CTNNA2: variants seen among roughly 807,000 people sequenced by gnomAD.
CTNNA2 encodes the protein catenin alpha 2.
In CTNNA2, 42 loss-of-function variants were observed where a neutral mutation model predicts 101.0. That is an observed-to-expected ratio of 0.42 (90% CI 0.32 to 0.54). The LOEUF is 0.54. CTNNA2 is among the 20% of genes least tolerant of loss of function. CTNNA2 has a pLI of 0.14. For missense variants in CTNNA2, 871 were observed against 1,223.1 expected (o/e 0.71, Z 4.29); for synonymous variants, 450 against 456.4 (o/e 0.99, Z 0.18).
chr2:80,001,570 G>C (rs1465492427), intron 7 of CTNNA2, among the ~76,000 whole-genome samples: 2 of 152,184 alleles, frequency 1.3e-5, no homozygotes, highest in African/African-American at 2.4e-5. Context: ...CTGGGGATTA[G>C]TCTAATAATT....
chr2:79,470,675 G>C (rs1670988282), intron 4 of CTNNA2, among the ~76,000 whole-genome samples: 1 of 152,162 alleles, frequency 6.6e-6, no homozygotes, highest in Non-Finnish European at 1.5e-5. Context: ...CAGAATCATA[G>C]ATGAATCACT....
At chr2:80,476,174 C>G (rs1166501171) in intron 9 of CTNNA2, among the ~76,000 whole-genome samples, 1 of 152,106 alleles carries the variant, frequency 6.6e-6, no homozygotes, top group Non-Finnish European at 1.5e-5. Flanking sequence ...CAGATGATGT[C>G]TGATTCACCC....
intron 3 of CTNNA2, among the ~76,000 whole-genome samples, chr2:79,797,294 C>A (rs1022171825): frequency 1.3e-5 from 2 of 152,026 alleles, no homozygotes. Flanking sequence ...CATGCAGGCC[C>A]AGGTGGTCAT....
chr2:79,995,989 C>G (rs1205522108), intron 7 of CTNNA2, among the ~76,000 whole-genome samples: 2 of 152,086 alleles, frequency 1.3e-5, no homozygotes, highest in Non-Finnish European at 2.9e-5. Flanking sequence ...GGAAACAATT[C>G]AAGATTTCTC....
chr2:80,112,498 C>A (rs1377102194), intron 7 of CTNNA2, among the ~76,000 whole-genome samples: 2 of 152,122 alleles, frequency 1.3e-5, no homozygotes, highest in Non-Finnish European at 2.9e-5. Flanking sequence ...TCCATCATCA[C>A]CATTATTATC....
chr2:79,808,946 C>T (rs1676792688), intron 3 of CTNNA2, among the ~76,000 whole-genome samples: 1 of 152,130 alleles, frequency 6.6e-6, no homozygotes, highest in Non-Finnish European at 1.5e-5. Context: ...TCTGGTCCCC[C>T]ATCCCCCAAC....
intron 7 of CTNNA2, among the ~76,000 whole-genome samples, chr2:80,363,455 G>A (rs919425689): frequency 6.6e-6 from 1 of 152,072 alleles, no homozygotes; most frequent in Non-Finnish European, 1.5e-5. Flanking sequence ...AAATAAAGCC[G>A]GGCTCAGTAA....
intron 7 of CTNNA2, among the ~76,000 whole-genome samples, chr2:79,988,660 A>G (rs1187585200): frequency 6.6e-6 from 1 of 152,160 alleles, no homozygotes; most frequent in Non-Finnish European, 1.5e-5. Flanking sequence ...GAAGAAAGTA[A>G]CTTCCCACAG....
intron 9 of CTNNA2, among the ~76,000 whole-genome samples, chr2:80,518,814 T>C (rs143504480): frequency 6.6e-6 from 1 of 152,318 alleles, no homozygotes; most frequent in African/African-American, 2.4e-5. Context: ...TAAAAAACTC[T>C]ATAGCCCATT....
chr2:80,046,405 A>C (rs1284114437), intron 7 of CTNNA2, among the ~76,000 whole-genome samples: 1 of 152,172 alleles, frequency 6.6e-6, no homozygotes, highest in East Asian at 1.9e-4. Context: ...GGCTCTCAGT[A>C]GATGAGACCT....
intron 7 of CTNNA2, among the ~76,000 whole-genome samples, chr2:79,968,961 C>G (rs1279650022): frequency 6.6e-6 from 1 of 151,840 alleles, no homozygotes; most frequent in East Asian, 1.9e-4. Context: ...TCACATTTTT[C>G]GTCTTAATAG....
At chr2:79,917,946 G>T (rs1164776321) in intron 7 of CTNNA2, among the ~76,000 whole-genome samples, 1 of 152,196 alleles carries the variant, frequency 6.6e-6, no homozygotes, top group Non-Finnish European at 1.5e-5. Flanking sequence ...GAACACAGAT[G>T]TAGGTAACAT....
chr2:79,210,921 C>T (rs1674163320), intron 2 of CTNNA2, among the ~76,000 whole-genome samples: 1 of 152,112 alleles, frequency 6.6e-6, no homozygotes, highest in Admixed American at 6.6e-5. Context: ...CCCTCTCCCG[C>T]CTGGGGGAGG....
rs577901972 is a variant in CTNNA2, at chr2:79,927,571, C to T, written c.1056+17774C>T. On this transcript the variant is annotated intron_variant, in intron 7 of 18. Coordinates refer to ENST00000402739, the MANE Select transcript of CTNNA2 (RefSeq NM_001282597.3). ...GAAGGAACCAAAATATTGCCTTTCT[C>T]TTTTCATGAGATGTATTTATCAATT... Among the ~76,000 whole-genome samples the T allele has an allele frequency of 3.9e-4, 59 of 152,200 alleles. 2 individuals carry two copies. The South Asian group carries it at 0.011, about 29-fold the overall frequency.
intron 4 of CTNNA2, among the ~76,000 whole-genome samples, chr2:79,374,520 A>ATTT (rs35015457): frequency 6.6e-6 from 1 of 151,730 alleles, no homozygotes; most frequent in Non-Finnish European, 1.5e-5. Flanking sequence ...ATATATATAT[A>ATTT]TTTTTCTATT....
chr2:79,517,383 T>C (rs1021408313), intron 1 of CTNNA2, among the ~76,000 whole-genome samples: 1 of 152,204 alleles, frequency 6.6e-6, no homozygotes, highest in Non-Finnish European at 1.5e-5. Flanking sequence ...AAAATGTTTC[T>C]CATATATTTC....
At chr2:80,061,386 A>T (rs537815279) in intron 7 of CTNNA2, among the ~76,000 whole-genome samples, 83 of 152,330 alleles carry the variant, frequency 5.4e-4, no homozygotes, top group South Asian at 3.9e-3. Context: ...CAGATTGTGT[A>T]TCTCTTTAGA....
chr2:79,688,911 TA>T (rs1193606751), intron 2 of CTNNA2, among the ~76,000 whole-genome samples: 2 of 151,982 alleles, frequency 1.3e-5, no homozygotes, highest in African/African-American at 4.8e-5. Context: ...TCACAGCACA[TA>T]GCATGGTGGC....
chr2:79,295,519 TTTC>T lies in CTNNA2; in HGVS notation c.-405-17187_-405-17185del, dbSNP rs770836568. 9.0e-4 allele frequency among the ~76,000 whole-genome samples: 137 copies of T among 151,966 alleles called. 3 individuals carry two copies. In the Middle Eastern group the frequency reaches 0.024, roughly 26 times the overall value. On this transcript the variant is annotated intron_variant, in intron 2 of 21. Transcript: ENST00000466387. ...TCTTTTTTTTCTTTTTCTTTCTTTC[TTTC>T]TTTTTTTTTTATTTCACCCTCTCCC...
Sources: gnomAD v4.1 joint callset for allele counts (sites outside exome capture counted in the v4.1 genomes callset) on GRCh38, gnomAD v4.1.1 for gene constraint, MANE v1.5 for transcripts, NCBI Gene and HGNC (gene_info 2026-07-23, HGNC 2026-07-21) for gene names.